CCSER1: variants seen among roughly 807,000 people sequenced by gnomAD.
CCSER1 encodes the protein coiled-coil serine rich protein 1.
A neutral mutation model predicts 82.0 loss-of-function variants in CCSER1; 41 were observed. That is an observed-to-expected ratio of 0.50 (90% CI 0.39 to 0.65). CCSER1 has a LOEUF of 0.65. Among genes scored for constraint, CCSER1 ranks in the 30% least tolerant of loss-of-function variants. The pLI, the probability that CCSER1 is intolerant of heterozygous loss-of-function variation, is 0.00. For synonymous variants in CCSER1, 414 were observed against 383.9 expected, an observed-to-expected ratio of 1.08 and a Z score of -0.92; for missense variants, 1,119 against 1,064.2, an observed-to-expected ratio of 1.05 and a Z score of -0.72.
At chr4:90,589,133 C>G (rs1782389046) in intron 5 of CCSER1, among the ~76,000 whole-genome samples, 1 of 151,754 alleles carries the variant, frequency 6.6e-6, no homozygotes, top group African/African-American at 2.4e-5. Context: ...TTAATTTATA[C>G]AAATATATGA....
At chr4:90,563,416 T>A (rs1010248534) in intron 5 of CCSER1, among the ~76,000 whole-genome samples, 1 of 152,112 alleles carries the variant, frequency 6.6e-6, no homozygotes, top group African/African-American at 2.4e-5. Flanking sequence ...TGCCCCAAAT[T>A]TTATATCTTT....
chr4:90,207,732 T>A (rs1011325004), intron 1 of CCSER1, among the ~76,000 whole-genome samples: 3 of 152,208 alleles, frequency 2.0e-5, no homozygotes, highest in African/African-American at 7.2e-5. Context: ...GTTTGTTAGT[T>A]TTCCTTCTAA....
intron 10 of CCSER1, among the ~76,000 whole-genome samples, chr4:91,520,539 A>T (rs1230860098): frequency 1.3e-5 from 2 of 152,180 alleles, no homozygotes; most frequent in African/African-American, 4.8e-5. Flanking sequence ...TAACTTACAT[A>T]TGAAAAGAAA....
chr4:90,624,485 A>G (rs543019293), intron 5 of CCSER1, among the ~76,000 whole-genome samples: 3 of 152,302 alleles, frequency 2.0e-5, no homozygotes, highest in South Asian at 2.1e-4. Flanking sequence ...GTCAAGATAT[A>G]TGTTTTCCCA....
At position 91,071,190 on chromosome 4, in the gene CCSER1, C is replaced by T. The variant is rs575932980; in HGVS notation, c.2173-14760C>T. Among the ~76,000 whole-genome samples, 46 of 152,236 alleles carry T rather than the reference C, an allele frequency of 3.0e-4. No individual in the cohort carries two copies. The South Asian group carries it at 8.3e-3, about 27-fold the overall frequency. On this transcript the variant is annotated intron_variant, in intron 9 of 10. Coordinates refer to ENST00000509176, the MANE Select transcript of CCSER1 (RefSeq NM_001145065.2). ...CATGCACCAAGCACTGTTTGAGCAACTGGTATAATTTAGAAACATAAAAAC... is the reference window on the plus strand; with the variant it reads ...CATGCACCAAGCACTGTTTGAGCAATTGGTATAATTTAGAAACATAAAAAC...
In CCSER1 at chr4:91,340,852, C is replaced by T. The variant is rs975623502; in HGVS notation, c.2217+254858C>T. On this transcript the variant is annotated intron_variant, in intron 10 of 10. Coordinates refer to ENST00000509176, the MANE Select transcript of CCSER1 (RefSeq NM_001145065.2). ...TGTGGGAACTTCGTTAAAATAGAGC[C>T]AGTGTTTCTAAATTTCTTTAAGTAT... Among the ~76,000 whole-genome samples, 5 of 152,184 alleles carry T rather than the reference C, an allele frequency of 3.3e-5. No homozygotes were observed. The South Asian group carries it at 1.0e-3, about 32-fold the overall frequency.
intron 10 of CCSER1, among the ~76,000 whole-genome samples, chr4:91,188,060 C>A (rs1033029036): frequency 2.0e-5 from 3 of 151,564 alleles, no homozygotes; most frequent in Admixed American, 6.6e-5. Context: ...AATTGTTTAG[C>A]TAAGCTTTAA....
intron 3 of CCSER1, among the ~76,000 whole-genome samples, chr4:90,393,144 A>G (rs1751452921): frequency 6.6e-6 from 1 of 152,164 alleles, no homozygotes; most frequent in Admixed American, 6.5e-5. Context: ...TGCAATTTAT[A>G]ATTTATCTTC....
chr4:90,983,563 T>C (rs1736314631), intron 9 of CCSER1, among the ~76,000 whole-genome samples: 1 of 151,686 alleles, frequency 6.6e-6, no homozygotes, highest in Non-Finnish European at 1.5e-5. Flanking sequence ...TTATTAATAA[T>C]ATAGAGCCTT....
chr4:91,103,906 A>G (rs1725341332), intron 10 of CCSER1, among the ~76,000 whole-genome samples: 1 of 152,072 alleles, frequency 6.6e-6, no homozygotes, highest in South Asian at 2.1e-4. Flanking sequence ...ATAAATGGAT[A>G]TGCAAGTAGG....
intron 1 of CCSER1, among the ~76,000 whole-genome samples, chr4:90,301,023 G>A (rs1348845973): frequency 6.6e-6 from 1 of 151,792 alleles, no homozygotes; most frequent in African/African-American, 2.4e-5. Flanking sequence ...TCTAAGAGAT[G>A]GGTTCTCCCT....
chr4:91,451,475 C>A (rs1485312772), intron 10 of CCSER1, among the ~76,000 whole-genome samples: 1 of 151,928 alleles, frequency 6.6e-6, no homozygotes, highest in African/African-American at 2.4e-5. Context: ...CACCCAGACA[C>A]ACTTCAATAA....
intron 10 of CCSER1, among the ~76,000 whole-genome samples, chr4:91,109,634 ATAGT>A (rs909826898): frequency 1.3e-5 from 2 of 152,204 alleles, no homozygotes; most frequent in African/African-American, 4.8e-5. Context: ...GTTGAAAATA[ATAGT>A]TCAAGAGTTG....
At chr4:90,157,150 T>C (rs1431392981) in intron 1 of CCSER1, among the ~76,000 whole-genome samples, 2 of 152,198 alleles carry the variant, frequency 1.3e-5, no homozygotes, top group Admixed American at 6.5e-5. Flanking sequence ...TTTGGCTGGA[T>C]ATGAAATTCT....
At chr4:90,782,946 C>T (rs1217519320) in intron 7 of CCSER1, among the ~76,000 whole-genome samples, 3 of 149,292 alleles carry the variant, frequency 2.0e-5, no homozygotes, top group Non-Finnish European at 3.0e-5. Context: ...TCCCGAAGTG[C>T]GTTTTGAGAC....
At chr4:91,521,742 G>A (rs907211852) in intron 10 of CCSER1, among the ~76,000 whole-genome samples, 3 of 152,090 alleles carry the variant, frequency 2.0e-5, no homozygotes, top group Admixed American at 2.0e-4. Flanking sequence ...ATATTTTCTT[G>A]TAAATTTGTT....
At chr4:90,286,283 A>G (rs984788982) in intron 1 of CCSER1, among the ~76,000 whole-genome samples, 15 of 152,026 alleles carry the variant, frequency 9.9e-5, no homozygotes, top group Non-Finnish European at 1.6e-4. Flanking sequence ...TTTCATTGGG[A>G]GACTTCCTAG....
chr4:91,389,181 A>T (rs375262110), intron 10 of CCSER1, among the ~76,000 whole-genome samples: 1 of 152,134 alleles, frequency 6.6e-6, no homozygotes, highest in African/African-American at 2.4e-5. Context: ...CTTCTAGGGA[A>T]CTTATGGTTT....
intron 10 of CCSER1, among the ~76,000 whole-genome samples, chr4:91,438,386 C>T (rs1754832932): frequency 6.6e-6 from 1 of 152,156 alleles, no homozygotes; most frequent in East Asian, 1.9e-4. Flanking sequence ...CTGGAGTGGA[C>T]CTCTAGCAAA....
Sources: gnomAD v4.1 joint callset for allele counts (sites outside exome capture counted in the v4.1 genomes callset) on GRCh38, gnomAD v4.1.1 for gene constraint, MANE v1.5 for transcripts, NCBI Gene and HGNC (gene_info 2026-07-23, HGNC 2026-07-21) for gene names.